COG5: variants seen among roughly 807,000 people sequenced by gnomAD.
COG5 encodes the protein component of oligomeric golgi complex 5, also known as conserved oligomeric Golgi complex subunit 5.
COG5 carries 86 observed loss-of-function variants against 110.4 expected under a neutral mutation model. That is an observed-to-expected ratio of 0.78 (90% CI 0.65 to 0.93). The LOEUF (loss-of-function observed/expected upper bound fraction) is 0.93. COG5 is among the 40% of genes least tolerant of loss of function. The pLI is 0.00. For synonymous variants in COG5, 360 were observed against 334.6 expected (o/e 1.08, Z -0.83); for missense variants, 1,077 against 987.0 (o/e 1.09, Z -1.22).
intron 12 of COG5, among the ~76,000 whole-genome samples, chr7:107,296,727 T>A (rs912268575): frequency 6.6e-6 from 1 of 152,052 alleles, no homozygotes; most frequent in Non-Finnish European, 1.5e-5. Flanking sequence ...AGAACTTCCA[T>A]ATACTGTATT....
chr7:107,293,392 G>A (rs1326813007), intron 12 of COG5, among the ~76,000 whole-genome samples: 1 of 152,170 alleles, frequency 6.6e-6, no homozygotes, highest in Admixed American at 6.5e-5. Flanking sequence ...GGAGCCCTGT[G>A]TTCTTGGCTA....
intron 2 of COG5, among the ~76,000 whole-genome samples, chr7:107,555,597 TTATC>T (rs1429020356): frequency 1.3e-5 from 2 of 152,230 alleles, no homozygotes; most frequent in Non-Finnish European, 2.9e-5. Flanking sequence ...TTTTTAAAAA[TTATC>T]TATTCTCCTT....
chr7:107,354,878 A>G (rs2237667), intron 10 of COG5, among the ~76,000 whole-genome samples: 96,624 of 152,052 alleles, frequency 0.64, 33,018 homozygotes, highest in African/African-American at 0.91. Flanking sequence ...AATCATACCT[A>G]TCTGATAGCA....
intron 21 of COG5, among the ~76,000 whole-genome samples, chr7:107,207,060 C>G (rs139670369): frequency 6.6e-6 from 1 of 152,224 alleles, no homozygotes; most frequent in Non-Finnish European, 1.5e-5. Flanking sequence ...CAAAAACTAG[C>G]CAAGTGGAAG....
chr7:107,305,293 A>AGT (rs1442734966), intron 11 of COG5, among the ~76,000 whole-genome samples: 1 of 152,210 alleles, frequency 6.6e-6, no homozygotes, highest in East Asian at 1.9e-4. Flanking sequence ...AGCTTAATTA[A>AGT]GTGCCGCCTT....
chr7:107,277,209 A>G (rs1256049283), intron 14 of COG5, among the ~76,000 whole-genome samples: 6 of 152,240 alleles, frequency 3.9e-5, no homozygotes, highest in Non-Finnish European at 8.8e-5. Flanking sequence ...TATGTATAAC[A>G]CAATGCAACT....
In COG5 at chr7:107,474,048, C is replaced by G; in HGVS notation, c.538+53189G>C. On this transcript the variant is annotated intron_variant, in intron 6 of 21. Coordinates refer to ENST00000297135, the MANE Select transcript of COG5 (RefSeq NM_006348.5). This position sits in a 1 kb window ranked among gnomAD's most constrained non-coding sequence, Gnocchi z 5.7. ...TTCACTTTCTAGGGAAAAAAACCAA[C>G]TGCTCCAAAAGAATGTGTTTTTCTC... 6.9e-7 allele frequency: 1 copy of G among 1,442,486 alleles called. No homozygotes were observed. Among genetic ancestry groups the G allele is most frequent in the Non-Finnish European group, 9.4e-7 (1 of 1,059,226 alleles). The allele number at this position is 1,442,486 out of a possible 1,614,324, so 89.4% of individuals were successfully genotyped here. A position where few individuals can be genotyped will look rare whatever the true frequency, so the allele number is the denominator to read the frequency against.
At chr7:107,347,922 C>T (rs957536741) in intron 10 of COG5, among the ~76,000 whole-genome samples, 3 of 151,620 alleles carry the variant, frequency 2.0e-5, no homozygotes, top group African/African-American at 7.3e-5. Context: ...GTCAGGAGAT[C>T]GAGACCATCC....
At chr7:107,540,224 C>A (rs537890260) in intron 5 of COG5, among the ~76,000 whole-genome samples, 21 of 152,212 alleles carry the variant, frequency 1.4e-4, no homozygotes, top group Admixed American at 4.6e-4. Context: ...GTAAACAGGG[C>A]TAAACTAGCC....
chr7:107,353,274 A>G (rs1403555237), intron 10 of COG5, among the ~76,000 whole-genome samples: 1 of 151,838 alleles, frequency 6.6e-6, no homozygotes, highest in African/African-American at 2.4e-5. Context: ...AAATACAAAA[A>G]ATTAGCCGGG....
At chr7:107,369,680 C>T (rs1050573385) in intron 8 of COG5, among the ~76,000 whole-genome samples, 7 of 152,116 alleles carry the variant, frequency 4.6e-5, no homozygotes, top group African/African-American at 1.7e-4. Context: ...TGAGCCAACA[C>T]GCCGGCCAGG....
chr7:107,300,600 A>G (rs995055596), intron 11 of COG5, among the ~76,000 whole-genome samples: 14 of 152,214 alleles, frequency 9.2e-5, no homozygotes, highest in African/African-American at 2.9e-4. Context: ...TATGAAATAC[A>G]TAGATATATC....
chr7:107,314,779 G>A (rs1006932255), intron 11 of COG5, among the ~76,000 whole-genome samples: 10 of 151,956 alleles, frequency 6.6e-5, no homozygotes, highest in African/African-American at 2.4e-4. Flanking sequence ...AAGACTATTG[G>A]AAGTCAATGC....
At chr7:107,527,472 T>C in intron 5 of COG5, 115 bp from the exon 6 acceptor site, 1 of 1,129,534 alleles carries the variant, frequency 8.9e-7, no homozygotes, top group Non-Finnish European at 1.3e-6. Context: ...ATGGCACATG[T>C]TTACCTATGT....
intron 6 of COG5, among the ~76,000 whole-genome samples, chr7:107,434,833 G>C (rs1265083909): frequency 6.6e-6 from 1 of 152,068 alleles, no homozygotes; most frequent in Non-Finnish European, 1.5e-5. Flanking sequence ...AGTTGGATGT[G>C]GTGGCAAATG....
At chr7:107,249,949 T>C (rs1172307462) in intron 16 of COG5, among the ~76,000 whole-genome samples, 2 of 152,000 alleles carry the variant, frequency 1.3e-5, no homozygotes, top group South Asian at 2.1e-4. Flanking sequence ...AGACATTCAG[T>C]ATATATGGAG....
At chr7:107,373,937 T>C (rs955947280) in intron 7 of COG5, among the ~76,000 whole-genome samples, 1 of 152,076 alleles carries the variant, frequency 6.6e-6, no homozygotes, top group Non-Finnish European at 1.5e-5. Context: ...GACATACACA[T>C]AAACTCACAC....
At chr7:107,370,408 C>G (rs1327685085) in intron 8 of COG5, among the ~76,000 whole-genome samples, 1 of 152,120 alleles carries the variant, frequency 6.6e-6, no homozygotes, top group African/African-American at 2.4e-5. Context: ...GTATTTCCAA[C>G]AAACAAGGAC....
intron 6 of COG5, among the ~76,000 whole-genome samples, chr7:107,417,287 C>T (rs1305821651): frequency 1.3e-5 from 2 of 152,098 alleles, no homozygotes; most frequent in African/African-American, 2.4e-5. Context: ...TAAATCTATC[C>T]TTTTAAAATT....
Sources: allele counts gnomAD v4.1 joint callset (sites outside exome capture counted in the v4.1 genomes callset), GRCh38; gene constraint gnomAD v4.1.1; non-coding constraint Gnocchi (gnomAD v3.1); transcripts MANE v1.5; gene names NCBI Gene and HGNC (gene_info 2026-07-23, HGNC 2026-07-21).